SEMA5A: variants seen among roughly 807,000 people sequenced by gnomAD.
SEMA5A encodes semaphorin 5A.
A neutral mutation model predicts 135.5 loss-of-function variants in SEMA5A; 55 were observed. The ratio of observed to expected loss-of-function variants is 0.41; its 90% confidence interval spans 0.33 to 0.51. The LOEUF (loss-of-function observed/expected upper bound fraction) is 0.51, where lower values mean the gene tolerates loss of function less well. Ranked by LOEUF, SEMA5A falls within the 20% of genes least tolerant of loss-of-function variation. The pLI is 0.37. For missense variants in SEMA5A, 1,290 were observed against 1,419.9 expected (o/e 0.91, Z 1.47); for synonymous variants, 580 against 546.5 (o/e 1.06, Z -0.85).
chr5:9,541,873 C>T (rs751253323), intron 1 of SEMA5A, among the ~76,000 whole-genome samples: 7 of 152,158 alleles, frequency 4.6e-5, no homozygotes, highest in Non-Finnish European at 8.8e-5. Context: ...CTTAGCTATA[C>T]AACCTTTTAG....
chr5:9,122,688 C>T lies in SEMA5A; in HGVS notation c.1749G>A (p.Glu583=). 2.5e-6 allele frequency: 4 copies of T among 1,609,810 alleles called. No homozygotes were observed. The highest frequency in any genetic ancestry group is 3.4e-6 in the Non-Finnish European group (4 of 1,177,394). Residue 583 remains glutamate, a synonymous_variant, in exon 14 of 23, where the codon GAG becomes GAA. Coordinates refer to ENST00000382496, the MANE Select transcript of SEMA5A (RefSeq NM_003966.3). ...PAPQCGGWQC[E]GPGMEIANCS... Reference sequence around the variant, plus strand: ...AGTTGGCGATCTCCATGCCAGGGCCCTCGCACTGCCAGCCACCACACTGCG... The same window carrying T: ...AGTTGGCGATCTCCATGCCAGGGCCTTCGCACTGCCAGCCACCACACTGCG...
At chr5:9,225,926 A>T (rs886483375) in intron 7 of SEMA5A, among the ~76,000 whole-genome samples, 1 of 152,134 alleles carries the variant, frequency 6.6e-6, no homozygotes, top group Non-Finnish European at 1.5e-5. Context: ...TTGCTCTGCT[A>T]TGAGATGTGT....
chr5:9,131,507 C>A (rs745559032), intron 13 of SEMA5A, among the ~76,000 whole-genome samples: 1 of 150,712 alleles, frequency 6.6e-6, no homozygotes, highest in Non-Finnish European at 1.5e-5. Flanking sequence ...ACTCAGGAGG[C>A]TGAGGCAGGA....
intron 16 of SEMA5A, among the ~76,000 whole-genome samples, chr5:9,070,436 A>C (rs1015524246): frequency 2.6e-5 from 4 of 152,202 alleles, no homozygotes; most frequent in Non-Finnish European, 4.4e-5. Flanking sequence ...GCTGGTCTTT[A>C]GGTCTTAACA....
chr5:9,345,893 A>G (rs943216233), intron 3 of SEMA5A, among the ~76,000 whole-genome samples: 2 of 152,192 alleles, frequency 1.3e-5, no homozygotes, highest in Non-Finnish European at 2.9e-5. Flanking sequence ...ATTTATTTCT[A>G]TATATCTGTA....
intron 3 of SEMA5A, among the ~76,000 whole-genome samples, chr5:9,375,378 GAC>G (rs1224874464): frequency 1.3e-5 from 2 of 152,128 alleles, no homozygotes; most frequent in East Asian, 3.9e-4. Flanking sequence ...AAAAGGCAGG[GAC>G]ACAGAGGGAG....
chr5:9,418,440 A>G (rs1757357344), intron 2 of SEMA5A, among the ~76,000 whole-genome samples: 1 of 152,206 alleles, frequency 6.6e-6, no homozygotes, highest in Non-Finnish European at 1.5e-5. Flanking sequence ...CACTTCCTAT[A>G]TGCAAAGCAG....
rs1579501739 is a variant in SEMA5A, at chr5:9,156,299, T to C, written c.1274-1604A>G. Among the ~76,000 whole-genome samples the C allele has an allele frequency of 2.6e-5, 4 of 152,336 alleles. No homozygotes were observed. In the Middle Eastern group the frequency reaches 0.01, roughly 389 times the overall value. On this transcript the variant is annotated intron_variant, in intron 11 of 22. Transcript: ENST00000382496. ...TCAGCCTCAATGATTCTTAGGTCTC[T>C]CTGCCTGGGGTACAGCGAAGAGTCA... is the stretch of plus-strand genomic sequence containing the variant.
chr5:9,147,926 C>G (rs1742430650), intron 12 of SEMA5A, among the ~76,000 whole-genome samples: 1 of 152,096 alleles, frequency 6.6e-6, no homozygotes, highest in Non-Finnish European at 1.5e-5. Flanking sequence ...TTTACTGACC[C>G]TTTTTTGAGC....
At chr5:9,449,881 C>A (rs750608499) in intron 1 of SEMA5A, among the ~76,000 whole-genome samples, 1 of 152,174 alleles carries the variant, frequency 6.6e-6, no homozygotes, top group Non-Finnish European at 1.5e-5. Flanking sequence ...AGGCTCTAGG[C>A]CTACCTTGAT....
At chr5:9,213,712 G>GA (rs1344237815) in intron 8 of SEMA5A, among the ~76,000 whole-genome samples, 2 of 152,250 alleles carry the variant, frequency 1.3e-5, no homozygotes, top group African/African-American at 4.8e-5. Flanking sequence ...TGGAAAGATT[G>GA]AAAAAATGCA....
At chr5:9,242,214 T>C (rs751537434) in intron 5 of SEMA5A, among the ~76,000 whole-genome samples, 2 of 152,218 alleles carry the variant, frequency 1.3e-5, no homozygotes, top group Non-Finnish European at 2.9e-5. Context: ...GTGATTTGAC[T>C]TGAATAAAAT....
chr5:9,497,565 G>T (rs1371172996), intron 1 of SEMA5A, among the ~76,000 whole-genome samples: 1 of 152,162 alleles, frequency 6.6e-6, no homozygotes, highest in Non-Finnish European at 1.5e-5. Flanking sequence ...TAAAGACTGT[G>T]TTTGCAAATA....
chr5:9,163,605 G>A (rs1743418108), intron 11 of SEMA5A, among the ~76,000 whole-genome samples: 1 of 152,184 alleles, frequency 6.6e-6, no homozygotes, highest in Non-Finnish European at 1.5e-5. Context: ...GTTATGAGCT[G>A]AACTGTGTCC....
At chr5:9,205,855 G>C (rs1402707447) in intron 8 of SEMA5A, among the ~76,000 whole-genome samples, 1 of 152,090 alleles carries the variant, frequency 6.6e-6, no homozygotes, top group Non-Finnish European at 1.5e-5. Context: ...CCATTAACTC[G>C]GGAAACACAG....
intron 1 of SEMA5A, among the ~76,000 whole-genome samples, chr5:9,537,582 T>C (rs1208969712): frequency 1.3e-5 from 2 of 152,180 alleles, no homozygotes; most frequent in African/African-American, 2.4e-5. Flanking sequence ...TAATTTAGGA[T>C]TGGTAATAGA....
In SEMA5A at chr5:9,197,204, G is replaced by C. The variant is rs1366929120; in HGVS notation, c.1032C>G (p.Ala344=). 3 of 1,614,128 alleles carry C rather than the reference G, an allele frequency of 1.9e-6. No individual in the cohort carries two copies. The highest frequency in any genetic ancestry group is 4.5e-5 in the East Asian group (2 of 44,878). Residue 344 remains alanine (A), a synonymous_variant, in exon 10 of 23, where the codon GCC becomes GCG. Transcript: ENST00000382496. ...PFKYQENSRS[A]WLPYPNPNPH... ...GGTTTGGGTTGGGATACGGTAGCCA[G>C]GCCGAGCGCGAGTTTTCTTGGTACT... is the stretch of plus-strand genomic sequence containing the variant.
intron 16 of SEMA5A, among the ~76,000 whole-genome samples, chr5:9,076,896 G>GTGTGTGTGTGTGTGTGTGTA (rs1738095614): frequency 1.4e-5 from 2 of 146,702 alleles, no homozygotes; most frequent in African/African-American, 2.4e-5. Flanking sequence ...GTGTGTGTGT[G>GTGTGTGTGTGTGTGTGTGTA]TGTGTGTGTG....
At chr5:9,189,384 A>G (rs1191686721) in intron 11 of SEMA5A, among the ~76,000 whole-genome samples, 1 of 131,798 alleles carries the variant, frequency 7.6e-6, no homozygotes, top group Non-Finnish European at 1.6e-5. Flanking sequence ...AGTAGATAGT[A>G]GCAACTTCAT....
Sources: gnomAD v4.1 joint callset for allele counts (sites outside exome capture counted in the v4.1 genomes callset) on GRCh38, gnomAD v4.1.1 for gene constraint, MANE v1.5 for transcripts, NCBI Gene and HGNC (gene_info 2026-07-23, HGNC 2026-07-21) for gene names.